DERA: variants seen among roughly 807,000 people sequenced by gnomAD.
The protein encoded by DERA is 2-deoxy-D-ribose 5-phosphate aldolase.
A neutral mutation model predicts 41.1 loss-of-function variants in DERA; 15 were observed. The ratio of observed to expected loss-of-function variants is 0.37; its 90% CI spans 0.24 to 0.56. The LOEUF (loss-of-function observed/expected upper bound fraction) is 0.56, where lower values mean the gene tolerates loss of function less well. Among genes scored for constraint, DERA ranks in the 20% least tolerant of loss-of-function variants. DERA has a pLI of 0.81. For synonymous variants in DERA, 139 were observed against 137.4 expected, an observed-to-expected ratio of 1.01 and a Z score of -0.08; for missense variants, 396 against 403.4, an observed-to-expected ratio of 0.98 and a Z score of 0.16.
At position 15,928,091 on chromosome 12, in the gene DERA, A is replaced by G; in HGVS notation, c.31+16677A>G. Among the ~76,000 whole-genome samples the G allele has an allele frequency of 6.6e-6, 1 of 152,230 alleles. No individual in the cohort carries two copies. Among genetic ancestry groups the G allele is most frequent in the Non-Finnish European group, 1.5e-5 (1 of 68,022 alleles). The stretch of plus-strand genomic sequence containing the variant: ...CATGTATACAATGTGAAATGATTAA[A>G]TCAAGCTGAGTGACTTCATCACCTC... On this transcript the variant is annotated intron_variant, in intron 1 of 8. Coordinates refer to ENST00000428559, the MANE Select transcript of DERA (RefSeq NM_015954.4). The surrounding 1 kb of genome is among the most constrained non-coding windows in gnomAD (Gnocchi z 4.6).
At chr12:15,914,393 TAAAAAAA>T (rs1185673228) in intron 1 of DERA, among the ~76,000 whole-genome samples, 1 of 55,024 alleles carries the variant, frequency 1.8e-5, no homozygotes, top group Non-Finnish European at 4.1e-5. Context: ...TCAAAAAAGA[TAAAAAAA>T]AAAAAAAAAA....
chr12:16,016,120 G>C (rs747091836), intron 6 of DERA, among the ~76,000 whole-genome samples: 2 of 152,158 alleles, frequency 1.3e-5, no homozygotes, highest in Non-Finnish European at 2.9e-5. Flanking sequence ...ATAGTCTGCA[G>C]ATTTAGTATT....
Position 15,965,431 on chromosome 12 carries a change from T to C in DERA, c.508+2484T>C, listed in dbSNP as rs1205868316. On this transcript the variant is annotated intron_variant, in intron 5 of 8. Coordinates refer to ENST00000428559, the MANE Select transcript of DERA (RefSeq NM_015954.4). The surrounding 1 kb of genome is among the most constrained non-coding windows in gnomAD (Gnocchi z 4.1). Reference sequence around the variant, plus strand: ...ATTAAGTGCCTCATGCATTAGCTATTTTCCCTAATGCACTACCTGCCTCCA... The same window carrying C: ...ATTAAGTGCCTCATGCATTAGCTATCTTCCCTAATGCACTACCTGCCTCCA... Among the ~76,000 whole-genome samples, 1 of 152,174 alleles carries C rather than the reference T, an allele frequency of 6.6e-6. No individual in the cohort carries two copies. The highest frequency in any genetic ancestry group is 1.5e-5 in the Non-Finnish European group (1 of 68,024).
intron 6 of DERA, among the ~76,000 whole-genome samples, chr12:16,028,282 C>CA (rs1391393460): frequency 2.0e-5 from 3 of 152,168 alleles, no homozygotes; most frequent in Admixed American, 1.3e-4. Context: ...CAAAGGCATA[C>CA]AGGAAGCAAC....
rs556533208 is a variant in DERA at position 15,985,601 on chromosome 12, T to C, written c.637+3165T>C. Among the ~76,000 whole-genome samples, 47 of 151,916 alleles carry C rather than the reference T, an allele frequency of 3.1e-4. No individual in the cohort carries two copies. Among genetic ancestry groups the C allele is most frequent in the Admixed American group, 2.8e-3 (43 of 15,226 alleles). ...CATTACTTTTCAGTGAAAGTTATTT[T>C]CTAATTTCCCTTGTGATCTCTTTTG... On this transcript the variant is annotated intron_variant, in intron 6 of 8. Coordinates refer to ENST00000428559, the MANE Select transcript of DERA (RefSeq NM_015954.4). This position sits in a 1 kb window ranked among gnomAD's most constrained non-coding sequence, Gnocchi z 4.2.
chr12:16,011,984 C>G lies in DERA; in HGVS notation c.638-20558C>G, dbSNP rs886365864. On this transcript the variant is annotated intron_variant, in intron 6 of 8. Coordinates refer to ENST00000428559, the MANE Select transcript of DERA (RefSeq NM_015954.4). This position sits in a 1 kb window ranked among gnomAD's most constrained non-coding sequence, Gnocchi z 4.7. ...TGATAGAGACAGATAAAGAATTTTT[C>G]TAAATTAGGCAATCAAACCAAGAAA... Among the ~76,000 whole-genome samples the G allele has an allele frequency of 5.3e-5, 8 of 150,908 alleles. No homozygotes were observed. The highest frequency in any genetic ancestry group is 5.3e-4 in the Admixed American group (8 of 15,226).
intron 1 of DERA, among the ~76,000 whole-genome samples, chr12:15,946,088 A>G (rs560401493): frequency 6.6e-6 from 1 of 152,164 alleles, no homozygotes; most frequent in East Asian, 1.9e-4. Flanking sequence ...CCACTTGATC[A>G]TGGTGGATAA....
In DERA at chr12:16,013,472, C is replaced by G. The variant is rs1948960056; in HGVS notation, c.638-19070C>G. ...CTTTGCTCGGCACTTCTTGCTGCTG[C>G]CTTGTGAAGAAGGTGCCTCACTACC... is the stretch of plus-strand genomic sequence containing the variant. On this transcript the variant is annotated intron_variant, in intron 6 of 8. Coordinates refer to ENST00000428559, the MANE Select transcript of DERA (RefSeq NM_015954.4). This position sits in a 1 kb window ranked among gnomAD's most constrained non-coding sequence, Gnocchi z 5.8. Among the ~76,000 whole-genome samples the G allele has an allele frequency of 6.6e-6, 1 of 152,138 alleles. No homozygotes were observed. Among genetic ancestry groups the G allele is most frequent in the Non-Finnish European group, 1.5e-5 (1 of 68,034 alleles).
At position 15,970,118 on chromosome 12, in the gene DERA, T is replaced by G. The variant is rs1486060303; in HGVS notation, c.508+7171T>G. Among the ~76,000 whole-genome samples, 3 of 152,220 alleles carry G rather than the reference T, an allele frequency of 2.0e-5. No homozygotes were observed. The highest frequency in any genetic ancestry group is 7.2e-5 in the African/African-American group (3 of 41,462). On this transcript the variant is annotated intron_variant, in intron 5 of 8. Transcript: ENST00000428559. This position sits in a 1 kb window ranked among gnomAD's most constrained non-coding sequence, Gnocchi z 4.3. ...GCTTTGGTGGATGAAACTGTGTTCT[T>G]GAACATTTTGTGACTTTTTTAGTTT...
chr12:16,014,258 T>C lies in DERA; in HGVS notation c.638-18284T>C, dbSNP rs558062667. Reference sequence around the variant, plus strand: ...TTAATCACCAAGACAGTGGGGGAAATGTCTCCAGGGCATGTCAGAGATCTT... The same window carrying C: ...TTAATCACCAAGACAGTGGGGGAAACGTCTCCAGGGCATGTCAGAGATCTT... On this transcript the variant is annotated intron_variant, in intron 6 of 8. Transcript: ENST00000428559. The surrounding 1 kb of genome is among the most constrained non-coding windows in gnomAD (Gnocchi z 5.4). Among the ~76,000 whole-genome samples the C allele has an allele frequency of 4.5e-3, 688 of 152,182 alleles. 8 individuals carry two copies. Among genetic ancestry groups the C allele is most frequent in the African/African-American group, 0.015 (641 of 41,534 alleles).
Position 16,019,305 on chromosome 12 carries a change from C to A in DERA, c.638-13237C>A, listed in dbSNP as rs937454653. On this transcript the variant is annotated intron_variant, in intron 6 of 8. Coordinates refer to ENST00000428559, the MANE Select transcript of DERA (RefSeq NM_015954.4). The surrounding 1 kb of genome is among the most constrained non-coding windows in gnomAD (Gnocchi z 4.4). The stretch of plus-strand genomic sequence containing the variant: ...TTAAAAAATAGCCAGTGTCTGCATG[C>A]CTGAACTATTTTTAATATCTTGTGG... 2.6e-5 allele frequency among the ~76,000 whole-genome samples: 4 copies of A among 152,130 alleles called. No homozygotes were observed. Among genetic ancestry groups the A allele is most frequent in the Non-Finnish European group, 5.9e-5 (4 of 68,024 alleles).
intron 6 of DERA, among the ~76,000 whole-genome samples, chr12:16,031,055 G>A (rs1048133689): frequency 4.6e-5 from 7 of 152,192 alleles, no homozygotes; most frequent in African/African-American, 1.7e-4. Context: ...CTTGCTATGC[G>A]ATTGTCCCTT....
At position 16,003,844 on chromosome 12, in the gene DERA, A is replaced by G. The variant is rs1000450622; in HGVS notation, c.637+21408A>G. Among the ~76,000 whole-genome samples, 2 of 152,128 alleles carry G rather than the reference A, an allele frequency of 1.3e-5. No homozygotes were observed. Among genetic ancestry groups the G allele is most frequent in the African/African-American group, 2.4e-5 (1 of 41,426 alleles). On this transcript the variant is annotated intron_variant, in intron 6 of 8. Coordinates refer to ENST00000428559, the MANE Select transcript of DERA (RefSeq NM_015954.4). This position sits in a 1 kb window ranked among gnomAD's most constrained non-coding sequence, Gnocchi z 4.8. The stretch of plus-strand genomic sequence containing the variant: ...GATTCCTTATCCAAATTTAAACTCC[A>G]TTAGTAATTTAAAGCTCTGAGGAAG...
chr12:15,951,000 C>G (rs1281684180), intron 1 of DERA, among the ~76,000 whole-genome samples: 2 of 152,188 alleles, frequency 1.3e-5, no homozygotes, highest in Non-Finnish European at 2.9e-5. Flanking sequence ...CCTTGTCTGT[C>G]TTGTATCTTG....
chr12:15,964,950 A>G (rs1238940324), intron 5 of DERA, among the ~76,000 whole-genome samples: 2 of 152,174 alleles, frequency 1.3e-5, no homozygotes, highest in African/African-American at 4.8e-5. Context: ...CCTGGACCAT[A>G]CTTTTATATT....
At chr12:15,933,811 C>G (rs1047204675) in intron 1 of DERA, among the ~76,000 whole-genome samples, 1 of 152,100 alleles carries the variant, frequency 6.6e-6, no homozygotes, top group East Asian at 1.9e-4. Flanking sequence ...AAACCTTCTC[C>G]GACCAGCCTC....
rs76509498 is a variant in DERA, at chr12:15,957,675, G to A, written c.130-513G>A. On this transcript the variant is annotated intron_variant, in intron 2 of 8. Transcript: ENST00000428559. The surrounding 1 kb of genome is among the most constrained non-coding windows in gnomAD (Gnocchi z 4.8). ...CCTTAGAAATATTCTGGTTGAAAAG[G>A]TAAAATAAAATTCATCAGACTGAGT... is the stretch of plus-strand genomic sequence containing the variant. Among the ~76,000 whole-genome samples, 2,373 of 152,244 alleles carry A rather than the reference G, an allele frequency of 0.016. 66 individuals are homozygous for A. Among genetic ancestry groups the A allele is most frequent in the African/African-American group, 0.055 (2,270 of 41,530 alleles).
In DERA at chr12:16,004,769, T is replaced by A. The variant is rs960927498; in HGVS notation, c.637+22333T>A. Among the ~76,000 whole-genome samples, 23 of 152,136 alleles carry A rather than the reference T, an allele frequency of 1.5e-4. No homozygotes were observed. Among genetic ancestry groups the A allele is most frequent in the Non-Finnish European group, 2.5e-4 (17 of 68,022 alleles). The stretch of plus-strand genomic sequence containing the variant: ...TGTTTATTAAATGTTTTTAAAAATT[T>A]AAAAAAATCCTACTAAAAACTAGGA... On this transcript the variant is annotated intron_variant, in intron 6 of 8. Transcript: ENST00000428559. The surrounding 1 kb of genome is among the most constrained non-coding windows in gnomAD (Gnocchi z 4.2).
rs1473888851 is a variant in DERA, at chr12:15,965,571, G to A, written c.508+2624G>A. ...CAGAGTGGTCTTAACCATTTCTCAT[G>A]GATGTGAGAGTCCACAGTTTAGGGT... On this transcript the variant is annotated intron_variant, in intron 5 of 8. Transcript: ENST00000428559. This position sits in a 1 kb window ranked among gnomAD's most constrained non-coding sequence, Gnocchi z 4.1. Among the ~76,000 whole-genome samples, 1 of 152,058 alleles carries A rather than the reference G, an allele frequency of 6.6e-6. No individual in the cohort carries two copies. The highest frequency in any genetic ancestry group is 1.5e-5 in the Non-Finnish European group (1 of 68,016).
Sources: gnomAD v4.1 joint callset for allele counts (sites outside exome capture counted in the v4.1 genomes callset) on GRCh38, gnomAD v4.1.1 for gene constraint, Gnocchi (gnomAD v3.1) non-coding constraint, MANE v1.5 for transcripts, NCBI Gene and HGNC (gene_info 2026-07-23, HGNC 2026-07-21) for gene names.